CCDC30: variants seen among roughly 807,000 people sequenced by gnomAD.
The protein encoded by CCDC30 is coiled-coil domain containing 30, also known as coiled-coil domain-containing protein 30.
A neutral mutation model predicts 100.2 loss-of-function variants in CCDC30; 70 were observed. That is an observed-to-expected ratio of 0.70 (90% CI 0.58 to 0.85). CCDC30 has a LOEUF of 0.85. Among genes scored for constraint, CCDC30 ranks in the 40% least tolerant of loss-of-function variants. CCDC30 has a pLI of 0.00. For synonymous variants in CCDC30, 233 were observed against 269.5 expected, an observed-to-expected ratio of 0.86 and a Z score of 1.33; for missense variants, 652 against 771.2, an observed-to-expected ratio of 0.85 and a Z score of 1.83.
At chr1:42,518,651 C>T (rs1311569768) in intron 6 of CCDC30, among the ~76,000 whole-genome samples, 2 of 152,188 alleles carry the variant, frequency 1.3e-5, no homozygotes, top group Admixed American at 6.5e-5. Flanking sequence ...TGTGTAAGTA[C>T]ATTCTATGAT....
intron 12 of CCDC30, 150 bp downstream of exon 16, chr1:42,637,528 C>T: frequency 1.4e-6 from 1 of 720,580 alleles, no homozygotes; most frequent in Admixed American, 3.1e-5. Flanking sequence ...ATAAGTAATT[C>T]TTTAAGCCCT....
chr1:42,531,268 C>T (rs1244689464), intron 6 of CCDC30, among the ~76,000 whole-genome samples: 1 of 152,174 alleles, frequency 6.6e-6, no homozygotes, highest in Non-Finnish European at 1.5e-5. Flanking sequence ...TTGTAAGCTT[C>T]CTGAGGCCTC....
At chr1:42,582,096 A>G (rs1645980103) in intron 9 of CCDC30, among the ~76,000 whole-genome samples, 2 of 150,218 alleles carry the variant, frequency 1.3e-5, no homozygotes, top group South Asian at 4.2e-4. Flanking sequence ...CAGGCATGAC[A>G]GTGGACTCCT....
chr1:42,646,274 C>T (rs1278131508), exon 15 of CCDC30: 12 of 1,548,606 alleles, frequency 7.7e-6, no homozygotes, highest in Non-Finnish European at 7.9e-6. Context: ...GAGGATGAGT[C>T]AGTTCCTGAG....
chr1:42,646,651 C>T (rs1463751139), intron 15 of CCDC30, among the ~76,000 whole-genome samples: 1 of 152,216 alleles, frequency 6.6e-6, no homozygotes, highest in Non-Finnish European at 1.5e-5. Flanking sequence ...CCCCAGGTCT[C>T]CTGGGCATGA....
chr1:42,629,910 G>A (rs188188745), intron 11 of CCDC30, among the ~76,000 whole-genome samples: 36 of 151,482 alleles, frequency 2.4e-4, no homozygotes, highest in African/African-American at 8.0e-4. Flanking sequence ...CGCTGCATGG[G>A]CCCCTGTGTC....
At chr1:42,651,709 A>AT (rs1265544689) in intron 15 of CCDC30, among the ~76,000 whole-genome samples, 7 of 151,952 alleles carry the variant, frequency 4.6e-5, no homozygotes, top group East Asian at 1.9e-4. Context: ...ACAAAAAAAA[A>AT]TTTTTTTTGT....
At chr1:42,617,929 A>T (rs2148653015) in intron 11 of CCDC30, among the ~76,000 whole-genome samples, 1 of 152,316 alleles carries the variant, frequency 6.6e-6, no homozygotes, top group East Asian at 1.9e-4. Flanking sequence ...GTTTGTTTTG[A>T]AGTTAAACTA....
chr1:42,565,103 T>C (rs554222535), intron 6 of CCDC30, among the ~76,000 whole-genome samples: 1 of 152,326 alleles, frequency 6.6e-6, no homozygotes, highest in African/African-American at 2.4e-5. Context: ...CATTCATCCA[T>C]TGATTGACAC....
At chr1:42,600,166 G>A (rs1057146458) in intron 10 of CCDC30, among the ~76,000 whole-genome samples, 1 of 152,124 alleles carries the variant, frequency 6.6e-6, no homozygotes, top group Admixed American at 6.6e-5. Flanking sequence ...GGGACAGAGA[G>A]TCAAATCATA....
intron 10 of CCDC30, among the ~76,000 whole-genome samples, chr1:42,609,801 G>A (rs1171166378): frequency 6.6e-6 from 1 of 152,178 alleles, no homozygotes; most frequent in Non-Finnish European, 1.5e-5. Flanking sequence ...TCCTTAGACA[G>A]GAGTGGAGGG....
chr1:42,565,286 C>T (rs183971772), intron 6 of CCDC30, among the ~76,000 whole-genome samples: 5 of 152,190 alleles, frequency 3.3e-5, no homozygotes, highest in African/African-American at 7.2e-5. Flanking sequence ...ATGGATCATA[C>T]GTCTGATAAG....
intron 6 of CCDC30, among the ~76,000 whole-genome samples, chr1:42,523,692 C>G (rs963478675): frequency 1.3e-5 from 2 of 152,158 alleles, no homozygotes; most frequent in Non-Finnish European, 2.9e-5. Context: ...CCCTCTCTTT[C>G]TTCTGGGACT....
intron 15 of CCDC30, among the ~76,000 whole-genome samples, chr1:42,648,274 T>C (rs1183844905): frequency 1.3e-5 from 2 of 152,016 alleles, no homozygotes; most frequent in African/African-American, 2.4e-5. Context: ...AACACCTATA[T>C]CAAAAAAGTG....
chr1:42,642,566 T>C, exon 13 of CCDC30: 1 of 1,602,580 alleles, frequency 6.2e-7, no homozygotes, highest in Non-Finnish European at 8.5e-7. Context: ...GCAAGAACAG[T>C]TGATCCACAG....
At chr1:42,479,068 G>A (rs1371131177) in intron 1 of CCDC30, among the ~76,000 whole-genome samples, 1 of 152,136 alleles carries the variant, frequency 6.6e-6, no homozygotes, top group Non-Finnish European at 1.5e-5. Context: ...CCATAAAGCT[G>A]TAGCAATCAA....
chr1:42,567,942 T>TAA (rs200308278), intron 7 of CCDC30, among the ~76,000 whole-genome samples: 2 of 151,334 alleles, frequency 1.3e-5, no homozygotes. Context: ...GCAGTAAATT[T>TAA]AAAAAAAAAG....
chr1:42,647,221 A>G (rs1414198575), intron 15 of CCDC30, among the ~76,000 whole-genome samples: 1 of 152,238 alleles, frequency 6.6e-6, no homozygotes, highest in Non-Finnish European at 1.5e-5. Flanking sequence ...ATAAAGACAC[A>G]CAGAGACTGA....
At chr1:42,604,513 A>G (rs1394807678) in intron 10 of CCDC30, among the ~76,000 whole-genome samples, 1 of 152,244 alleles carries the variant, frequency 6.6e-6, no homozygotes, top group Admixed American at 6.5e-5. Flanking sequence ...ACATGTAGCC[A>G]TTGAATCACT....
Sources: allele counts gnomAD v4.1 joint callset (sites outside exome capture counted in the v4.1 genomes callset), GRCh38; gene constraint gnomAD v4.1.1; transcripts MANE v1.5; gene names NCBI Gene and HGNC (gene_info 2026-07-23, HGNC 2026-07-21).